Variants in TTC3 observed in about 807,000 individuals in gnomAD.
The protein encoded by TTC3 is E3 ubiquitin-protein ligase TTC3.
A neutral mutation model predicts 249.6 loss-of-function variants in TTC3; 180 were observed. The observed-to-expected ratio is 0.72, with a 90% confidence interval of 0.64 to 0.82. TTC3 has a LOEUF of 0.82. Among genes scored for constraint, TTC3 ranks in the 40% least tolerant of loss-of-function variants. The probability of loss-of-function intolerance (pLI) is 0.00; values close to 1 mark genes in which losing one functional copy is unlikely to be tolerated. For synonymous variants in TTC3, 717 were observed against 805.0 expected, an observed-to-expected ratio of 0.89 and a Z score of 1.85; for missense variants, 2,061 against 2,398.4, an observed-to-expected ratio of 0.86 and a Z score of 2.94.
At chr21:37,148,703 T>C (rs928440596) in intron 23 of TTC3, 56 bp downstream of exon 23, 7 of 1,207,350 alleles carry the variant, frequency 5.8e-6, no homozygotes, top group Non-Finnish European at 8.0e-6. Context: ...ATGTCAATTT[T>C]TCCCCCAAGA....
Position 37,096,567 on chromosome 21 carries a change from T to A in TTC3, c.783-14T>A. On this transcript the variant is annotated splice_polypyrimidine_tract_variant and intron_variant, in intron 9 of 45. Coordinates refer to ENST00000355666, the Ensembl canonical transcript of TTC3. ...GTAATGTGCTTTACTGACTAAACAT[T>A]GTATCTTTTTAAGACCTGAAAACTA... 3 of 1,595,642 alleles carry A rather than the reference T, an allele frequency of 1.9e-6. No homozygotes were observed. The highest frequency in any genetic ancestry group is 1.7e-4 in the Middle Eastern group (1 of 6,002).
rs779383304 is a variant in TTC3 at position 37,135,361 on chromosome 21, T to C, written c.1444-19T>C. ...AATGTGTAGATTCAGGTTACTGAAA[T>C]AGAATTTCTTTTTTCCAGGATTTTG... On this transcript the variant is annotated intron_variant, in intron 17 of 45. Transcript: ENST00000355666. 1.8e-5 allele frequency: 29 copies of C among 1,597,040 alleles called. 2 individuals carry two copies. In the Middle Eastern group the frequency reaches 2.2e-3, roughly 124 times the overall value.
intron 8 of TTC3, among the ~76,000 whole-genome samples, 187 bp from the exon 9 acceptor site, chr21:37,095,163 G>GTA (rs57143651): frequency 6.6e-6 from 1 of 150,694 alleles, no homozygotes; most frequent in Non-Finnish European, 1.5e-5. Context: ...GTGTGTGTGT[G>GTA]TATAGTGGGT....
chr21:37,149,323 G>A (rs1231865340), intron 23 of TTC3, among the ~76,000 whole-genome samples: 1 of 152,136 alleles, frequency 6.6e-6, no homozygotes, highest in Non-Finnish European at 1.5e-5. Flanking sequence ...TGAGGCAGTT[G>A]TACTAGGCAT....
exon 4 of TTC3, chr21:37,088,267 A>G: frequency 6.2e-7 from 1 of 1,613,712 alleles, no homozygotes; most frequent in East Asian, 2.2e-5. Flanking sequence ...TGCCATTAAA[A>G]TAAACATCTT....
At chr21:37,173,101 A>C (rs2081950786) in intron 35 of TTC3, among the ~76,000 whole-genome samples, 1 of 152,182 alleles carries the variant, frequency 6.6e-6, no homozygotes. Flanking sequence ...AGAGCCCTGG[A>C]GACAGACTGG....
chr21:37,151,746 C>A (rs1371757158), intron 25 of TTC3, 147 bp from the exon 26 acceptor site: 1 of 889,584 alleles, frequency 1.1e-6, no homozygotes, highest in Non-Finnish European at 1.6e-6. Flanking sequence ...TTTGACAATA[C>A]TGACAGTTTC....
At chr21:37,150,791 A>G (rs2079391730) in intron 24 of TTC3, 29 bp from the exon 25 acceptor site, 1 of 1,559,298 alleles carries the variant, frequency 6.4e-7, no homozygotes, top group African/African-American at 1.4e-5. Context: ...GTATGAGACA[A>G]ATTTTGGATG....
intron 17 of TTC3, among the ~76,000 whole-genome samples, chr21:37,133,822 G>A (rs1396978808): frequency 6.6e-6 from 1 of 152,138 alleles, no homozygotes; most frequent in African/African-American, 2.4e-5. Context: ...TGAGGTGAGA[G>A]GATTAACCAC....
At chr21:37,124,109 G>GTTTTTT (rs1167142816) in intron 13 of TTC3, among the ~76,000 whole-genome samples, 19 of 26,138 alleles carry the variant, frequency 7.3e-4, no homozygotes, top group African/African-American at 1.2e-3. Context: ...TTTTTGAACT[G>GTTTTTT]TTCTTTTTTT....
rs577116247 is a variant in TTC3, at chr21:37,075,060, T to A, written c.-12+1696T>A. Among the ~76,000 whole-genome samples, 5 of 152,340 alleles carry A rather than the reference T, an allele frequency of 3.3e-5. No homozygotes were observed. In the East Asian group the frequency reaches 9.6e-4, roughly 29 times the overall value. The stretch of plus-strand genomic sequence containing the variant: ...CGTTGAGGTTTGTGTATATCTTTAC[T>A]TTGCATATTTTATACTTTGATCAAG... On this transcript the variant is annotated intron_variant, in intron 1 of 45. Transcript: ENST00000355666.
At chr21:37,141,078 A>G (rs536651544) in intron 20 of TTC3, among the ~76,000 whole-genome samples, 1 of 152,330 alleles carries the variant, frequency 6.6e-6, no homozygotes, top group East Asian at 1.9e-4. Flanking sequence ...GTGTTCAAAG[A>G]CATCATGAGT....
intron 1 of TTC3, among the ~76,000 whole-genome samples, chr21:37,077,095 A>C (rs975300966): frequency 1.6e-5 from 2 of 121,866 alleles, no homozygotes; most frequent in Non-Finnish European, 3.9e-5. Flanking sequence ...TTTCCAATAA[A>C]GTTGCTTTTT....
intron 11 of TTC3, among the ~76,000 whole-genome samples, chr21:37,115,555 C>G (rs1260791205): frequency 6.6e-6 from 1 of 152,186 alleles, no homozygotes; most frequent in Non-Finnish European, 1.5e-5. Context: ...CAAGGTTGGT[C>G]ATTGCAGCAT....
rs112975092 is a variant in TTC3 at position 37,124,749 on chromosome 21, T to A, written c.1233+7T>A. 18,687 of 1,609,744 alleles carry A rather than the reference T, an allele frequency of 0.012. 168 individuals are homozygous for A. The highest frequency in any genetic ancestry group is 0.022 in the East Asian group (1,004 of 44,724). On this transcript the variant is annotated splice_region_variant and intron_variant, in intron 14 of 45. Transcript: ENST00000355666. ...TGGTAATCAGAATCTAAAGGTAAGC[T>A]CCATTGAAAACTACAGTTTTTTTCA...
At chr21:37,135,591 A>G in intron 18 of TTC3, 77 bp downstream of exon 18, 1 of 1,518,472 alleles carries the variant, frequency 6.6e-7, no homozygotes, top group Non-Finnish European at 8.9e-7. Context: ...CAAGGGCTTA[A>G]CTCATTGTAG....
At chr21:37,086,974 A>G in intron 1 of TTC3, 1 of 359,426 alleles carries the variant, frequency 2.8e-6, no homozygotes, top group South Asian at 4.9e-5. Flanking sequence ...ATGATCCTCT[A>G]TTTAAAGGAG....
At chr21:37,188,458 T>C (rs892360018) in intron 38 of TTC3, 37 bp from the exon 39 acceptor site, 2 of 1,526,280 alleles carry the variant, frequency 1.3e-6, no homozygotes, top group Non-Finnish European at 1.8e-6. Context: ...AGGCTGTCAT[T>C]TGTAAAATAC....
chr21:37,198,151 T>A, intron 44 of TTC3, 126 bp downstream of exon 44: 1 of 1,191,200 alleles, frequency 8.4e-7, no homozygotes, highest in Non-Finnish European at 1.1e-6. Context: ...GAAACTGAAT[T>A]TCAATGTACT....
Sources: gnomAD v4.1 joint callset for allele counts (sites outside exome capture counted in the v4.1 genomes callset) on GRCh38, gnomAD v4.1.1 for gene constraint, MANE v1.5 for transcripts, NCBI Gene and HGNC (gene_info 2026-07-23, HGNC 2026-07-21) for gene names.